Variants in SLC41A3 observed in about 807,000 individuals in gnomAD.
The protein encoded by SLC41A3 is SLC41A1-like 2.
A neutral mutation model predicts 45.4 loss-of-function variants in SLC41A3; 44 were observed. The ratio of observed to expected loss-of-function variants is 0.97; its 90% CI spans 0.76 to 1.25. SLC41A3 has a LOEUF of 1.25. Ranked by LOEUF, SLC41A3 falls within the 50% of genes most tolerant of loss-of-function variation. The probability of loss-of-function intolerance (pLI) is 0.00; values close to 1 mark genes in which losing one functional copy is unlikely to be tolerated. For synonymous variants in SLC41A3, 256 were observed against 252.4 expected, an observed-to-expected ratio of 1.01 and a Z score of -0.13; for missense variants, 550 against 600.6, an observed-to-expected ratio of 0.92 and a Z score of 0.88.
chr3:126,020,926 T>G (rs568840979), intron 6 of SLC41A3, among the ~76,000 whole-genome samples: 2 of 151,912 alleles, frequency 1.3e-5, no homozygotes, highest in Non-Finnish European at 2.9e-5. Flanking sequence ...AGACAGTCTC[T>G]CTCTGTTGCC....
chr3:126,056,451 T>C, intron 2 of SLC41A3: 1 of 1,614,166 alleles, frequency 6.2e-7, no homozygotes, highest in Non-Finnish European at 8.5e-7. Context: ...TGAAGAAAGA[T>C]TCAGGCAAGA....
Position 126,007,188 on chromosome 3 carries a change from C to T in SLC41A3, c.1292G>A (p.Arg431Gln), listed in dbSNP as rs759875201. The T allele has an allele frequency of 1.9e-6, 3 of 1,613,894 alleles. No individual in the cohort carries two copies. Among genetic ancestry groups the T allele is most frequent in the East Asian group, 2.2e-5 (1 of 44,878 alleles). ...ILLYLAEVMV[R>Q]LTWHQALDPD... ...ATCCAGGGCCTGGTGCCAAGTCAGC[C>T]GAACCATCACTTCTGCGAGGTACAG... Residue 431 changes from arginine to glutamine, a missense_variant, in exon 11 of 11, where the codon CGG becomes CAG. Arg to Gln is a conservative substitution (Grantham distance 43). Coordinates refer to ENST00000360370, the MANE Select transcript of SLC41A3 (RefSeq NM_017836.4).
chr3:126,078,381 G>C (rs983750040), intron 1 of SLC41A3, among the ~76,000 whole-genome samples: 1 of 152,188 alleles, frequency 6.6e-6, no homozygotes, highest in African/African-American at 2.4e-5. Context: ...AGCTAGTGGA[G>C]AAGAAAGGAG....
Position 126,022,790 on chromosome 3 carries a change from G to C in SLC41A3, c.741C>G (p.His247Gln). 6.2e-7 allele frequency: 1 copy of C among 1,614,202 alleles called. No individual in the cohort carries two copies. Among genetic ancestry groups the C allele is most frequent in the South Asian group, 1.1e-5 (1 of 91,082 alleles). Residue 247 changes from histidine to glutamine, a missense_variant, in exon 6 of 11, where the codon CAC (histidine) becomes CAG (glutamine). By Grantham distance (24) the His-to-Gln change is conservative. Transcript: ENST00000360370. Reference protein sequence around the residue: ...LALVSSFFYRHKDSRYLTPLV... With the variant: ...LALVSSFFYRQKDSRYLTPLV... The stretch of plus-strand genomic sequence containing the variant: ...ATAGAAGAAGACACTCTTTACCTTT[G>C]TGTCTGTAGAAGAAGCTGCTAACCA...
chr3:126,033,691 G>C lies in SLC41A3; in HGVS notation c.382-13C>G, dbSNP rs1486711881. 2.5e-6 allele frequency: 4 copies of C among 1,611,408 alleles called. No individual in the cohort carries two copies. In the African/African-American group the frequency reaches 5.3e-5, roughly 22 times the overall value. ...GTCCAGTGTTGGCCTAGAATGAAGA[G>C]AAAAGGACAAAGGTAGGACTGGCTA... On this transcript the variant is annotated splice_polypyrimidine_tract_variant and intron_variant, in intron 3 of 10. Transcript: ENST00000360370.
At chr3:126,081,654 A>C (rs533332439) in intron 1 of SLC41A3, among the ~76,000 whole-genome samples, 8 of 152,344 alleles carry the variant, frequency 5.3e-5, no homozygotes, top group African/African-American at 1.7e-4. Context: ...AATATAAATA[A>C]ATGAACCTGG....
intron 4 of SLC41A3, among the ~76,000 whole-genome samples, chr3:126,033,379 G>C (rs531782490): frequency 9.2e-4 from 137 of 148,954 alleles, no homozygotes; most frequent in Non-Finnish European, 1.7e-3. Flanking sequence ...GCTTGGAAAG[G>C]AGGGAGTGGG....
chr3:126,065,187 T>G (rs1944285444), intron 2 of SLC41A3, among the ~76,000 whole-genome samples: 1 of 152,196 alleles, frequency 6.6e-6, no homozygotes, highest in Admixed American at 6.5e-5. Flanking sequence ...ATGAAGAGAA[T>G]GCATCCTGGC....
At chr3:126,031,019 G>A (rs574175516) in intron 4 of SLC41A3, among the ~76,000 whole-genome samples, 7 of 152,272 alleles carry the variant, frequency 4.6e-5, no homozygotes, top group South Asian at 2.1e-4. Context: ...TGCCATGCTC[G>A]AAGTAATTTT....
intron 2 of SLC41A3, chr3:126,056,288 C>A: frequency 1.3e-6 from 2 of 1,560,636 alleles, no homozygotes. Context: ...CCAGCCTGCC[C>A]TGTCTGTGGT....
chr3:126,014,529 T>C (rs1285447269), intron 8 of SLC41A3, among the ~76,000 whole-genome samples: 4 of 152,208 alleles, frequency 2.6e-5, no homozygotes, highest in Admixed American at 1.3e-4. Flanking sequence ...TGGTGACTCA[T>C]CCCAAAAAAT....
intron 2 of SLC41A3, chr3:126,056,416 G>C: frequency 6.2e-7 from 1 of 1,614,184 alleles, no homozygotes; most frequent in Non-Finnish European, 8.5e-7. Flanking sequence ...CAGCAGAATG[G>C]GCACCACGAC....
intron 2 of SLC41A3, chr3:126,056,216 G>T: frequency 2.0e-6 from 2 of 1,007,038 alleles, no homozygotes; most frequent in Non-Finnish European, 2.9e-6. Context: ...TGACACCCGG[G>T]ACGCCCAAGC....
chr3:126,021,532 CTTA>C (rs1331766233), intron 6 of SLC41A3, among the ~76,000 whole-genome samples: 2 of 152,202 alleles, frequency 1.3e-5, no homozygotes, highest in African/African-American at 2.4e-5. Flanking sequence ...GTCATGGCCA[CTTA>C]TTATCTTAGA....
chr3:126,052,938 G>A lies in SLC41A3; in HGVS notation c.274-1888C>T, dbSNP rs192471719. Among the ~76,000 whole-genome samples, 366 of 152,326 alleles carry A rather than the reference G, an allele frequency of 2.4e-3. 1 individual carries two copies. Among genetic ancestry groups the A allele is most frequent in the Non-Finnish European group, 4.1e-3 (278 of 68,026 alleles). The stretch of plus-strand genomic sequence containing the variant: ...CTGCTCCATGCTCCCGGGGCTTTCA[G>A]CAGGAAGCCTGGGCGGAAGACGGCG... On this transcript the variant is annotated intron_variant, in intron 2 of 10. Transcript: ENST00000360370.
intron 5 of SLC41A3, chr3:126,023,955 C>G (rs976876381): frequency 1.7e-4 from 26 of 152,232 alleles, no homozygotes; most frequent in African/African-American, 6.0e-4. Flanking sequence ...TGGTTTGTGC[C>G]TTGCCTGATC....
Position 126,026,472 on chromosome 3 carries a change from G to C in SLC41A3, c.461C>G (p.Ala154Gly), listed in dbSNP as rs1186410924. The change falls in exon 5 of 11, where the codon GCC becomes GGC. Residue 154 changes from alanine to glycine, a missense_variant. Coordinates refer to ENST00000360370, the MANE Select transcript of SLC41A3 (RefSeq NM_017836.4). This position sits in a 1 kb window ranked among gnomAD's most constrained non-coding sequence, Gnocchi z 4.2. Reference sequence around the variant, plus strand: ...AGCAGCCAAGAGCCCCACGACAGTGGCCTGCACCTGTTGGACAGAAATCAG... The same window carrying C: ...AGCAGCCAAGAGCCCCACGACAGTGCCCTGCACCTGTTGGACAGAAATCAG... ...SSNLALIQVQ[A>G]TVVGLLAAVA... The C allele has an allele frequency of 6.2e-7, 1 of 1,601,686 alleles. No individual in the cohort carries two copies. The highest frequency in any genetic ancestry group is 8.5e-7 in the Non-Finnish European group (1 of 1,173,834).
chr3:126,052,930 G>C (rs1943431944), intron 2 of SLC41A3, among the ~76,000 whole-genome samples: 1 of 152,182 alleles, frequency 6.6e-6, no homozygotes, highest in Non-Finnish European at 1.5e-5. Flanking sequence ...ATGCTCCCGG[G>C]GCTTTCAGCA....
chr3:126,082,561 TGA>T, intron 1 of SLC41A3, among the ~76,000 whole-genome samples: 1 of 152,154 alleles, frequency 6.6e-6, no homozygotes, highest in Admixed American at 6.5e-5. Context: ...GAGCCACGCC[TGA>T]GTCTGTGAGG....
Sources: allele counts gnomAD v4.1 joint callset (sites outside exome capture counted in the v4.1 genomes callset), GRCh38; gene constraint gnomAD v4.1.1; non-coding constraint Gnocchi (gnomAD v3.1); transcripts MANE v1.5; gene names NCBI Gene and HGNC (gene_info 2026-07-23, HGNC 2026-07-21).